The following GAN variants were observed in gnomAD, a reference collection of about 807,000 sequenced individuals.
The protein encoded by GAN is epididymis secretory sperm binding protein.
In GAN, 48 loss-of-function variants were observed where a neutral mutation model predicts 71.3. That is an observed-to-expected ratio of 0.67 (90% confidence interval 0.53 to 0.86). The LOEUF is 0.86. Among genes scored for constraint, GAN ranks in the 40% least tolerant of loss-of-function variants. GAN has a pLI of 0.00. For synonymous variants in GAN, 386 were observed against 276.8 expected, an observed-to-expected ratio of 1.39 and a Z score of -3.92; for missense variants, 928 against 770.1, an observed-to-expected ratio of 1.21 and a Z score of -2.43.
At chr16:81,352,388 C>G (rs1809188342) in intron 2 of GAN, among the ~76,000 whole-genome samples, 2 of 152,180 alleles carry the variant, frequency 1.3e-5, no homozygotes, top group African/African-American at 4.8e-5. Flanking sequence ...TGATTTCAAG[C>G]AAAGCATGAG....
rs1904361061 is a variant in GAN, at chr16:81,385,058, T to TAC, written c.*7462_*7463insAC. The TAC allele has an allele frequency of 6.5e-6, 1 of 154,274 alleles. No homozygotes were observed. Among genetic ancestry groups the TAC allele is most frequent in the Non-Finnish European group, 1.5e-5 (1 of 68,206 alleles). 9.6% of individuals were successfully genotyped at this position (154,274 alleles called of 1,614,324 possible). On this transcript the variant is annotated 3_prime_UTR_variant, in exon 11 of 11. Transcript: ENST00000648994. ...GGTATAACTTAAGCACCAGGTAAAATCTGGTGCTTAAGTTGTACCAAGTAT... is the reference window on the plus strand; with the variant it reads ...GGTATAACTTAAGCACCAGGTAAAATACCTGGTGCTTAAGTTGTACCAAGTAT...
In GAN at chr16:81,379,327, G is replaced by C. The variant is rs773672145; in HGVS notation, c.*1731G>C. 3.3e-5 allele frequency: 5 copies of C among 152,210 alleles called. No individual in the cohort carries two copies. The highest frequency in any genetic ancestry group is 7.3e-5 in the Non-Finnish European group (5 of 68,038). The allele number at this position is 152,210 out of a possible 1,614,324, so 9.4% of individuals were successfully genotyped here. A position where few individuals can be genotyped will look rare whatever the true frequency, so the allele number is the denominator to read the frequency against. ...GATGCTGTGCCTATGGGGTTCTAGA[G>C]AGTGTTGAGTGTGGTACATTAACTC... On this transcript the variant is annotated 3_prime_UTR_variant, in exon 11 of 11. Coordinates refer to ENST00000648994, the MANE Select transcript of GAN (RefSeq NM_022041.4).
At position 81,377,343 on chromosome 16, in the gene GAN, G is replaced by A; in HGVS notation, c.1612+15G>A. On this transcript the variant is annotated intron_variant, in intron 10 of 10. Coordinates refer to ENST00000648994, the MANE Select transcript of GAN (RefSeq NM_022041.4). ...TCTTGATACAGGTAAGAGTGTTACAGTGATTTTCTTGGAACTGTTTCCTGG... is the reference window on the plus strand; with the variant it reads ...TCTTGATACAGGTAAGAGTGTTACAATGATTTTCTTGGAACTGTTTCCTGG... The A allele has an allele frequency of 6.3e-7, 1 of 1,585,564 alleles. No homozygotes were observed. The highest frequency in any genetic ancestry group is 1.1e-5 in the South Asian group (1 of 90,548).
intron 2 of GAN, 96 bp downstream of exon 2, chr16:81,351,793 GTCATCT>G (rs1162068090): frequency 2.6e-6 from 2 of 762,612 alleles, no homozygotes; most frequent in African/African-American, 3.4e-5. Context: ...AAGTAGCACT[GTCATCT>G]TCATCTTCTG....
rs1904534676 is a variant in GAN, at chr16:81,390,673, GTA to G, written c.*13079_*13080del. The stretch of plus-strand genomic sequence containing the variant: ...TGTTGTATTTTGATCTGAAATTTGT[GTA>G]TGCTAAAGTAATTTTGTTTTATGTA... On this transcript the variant is annotated 3_prime_UTR_variant, in exon 11 of 11. Coordinates refer to ENST00000648994, the MANE Select transcript of GAN (RefSeq NM_022041.4). The G allele has an allele frequency of 6.6e-6, 1 of 152,166 alleles. No individual in the cohort carries two copies. The highest frequency in any genetic ancestry group is 2.4e-5 in the African/African-American group (1 of 41,428). 9.4% of individuals were successfully genotyped at this position (152,166 alleles called of 1,614,324 possible). A position where few individuals can be genotyped will look rare whatever the true frequency, so the allele number is the denominator to read the frequency against.
rs368906326 is a variant in GAN, at chr16:81,362,628, T to A, written c.1086+17T>A. 3.3e-6 allele frequency: 4 copies of A among 1,224,706 alleles called. No homozygotes were observed. The highest frequency in any genetic ancestry group is 4.9e-6 in the Non-Finnish European group (4 of 824,092). The allele number at this position is 1,224,706 out of a possible 1,614,324, so 75.9% of individuals were successfully genotyped here. On this transcript the variant is annotated intron_variant, in intron 6 of 10. Coordinates refer to ENST00000648994, the MANE Select transcript of GAN (RefSeq NM_022041.4). ...ATGAACGAGGTAAAACACTAGTTGG[T>A]TGGTTTGTTTGATGTGTTTCTCTTT...
In GAN at chr16:81,382,963, TTTTTA is replaced by T. The variant is rs1239784495; in HGVS notation, c.*5382_*5386del. On this transcript the variant is annotated 3_prime_UTR_variant, in exon 11 of 11. Transcript: ENST00000648994. ...TATACAGTTTAGGAAAGTTTATTCT[TTTTTA>T]TTTTATTTTATTTTTTTAAATTTCT... The T allele has an allele frequency of 6.6e-6, 1 of 152,102 alleles. No individual in the cohort carries two copies. The highest frequency in any genetic ancestry group is 1.5e-5 in the Non-Finnish European group (1 of 68,026). The allele number at this position is 152,102 out of a possible 1,614,324, so 9.4% of individuals were successfully genotyped here. A position where few individuals can be genotyped will look rare whatever the true frequency, so the allele number is the denominator to read the frequency against.
chr16:81,340,655 T>C (rs565458671), intron 1 of GAN, among the ~76,000 whole-genome samples: 108 of 152,014 alleles, frequency 7.1e-4, no homozygotes, highest in African/African-American at 2.5e-3. Context: ...AAGACCCAAG[T>C]AGATAAAACC....
At chr16:81,365,557 G>T in intron 9 of GAN, 79 bp downstream of exon 9, 1 of 1,382,800 alleles carries the variant, frequency 7.2e-7, no homozygotes, top group Non-Finnish European at 1.0e-6. Flanking sequence ...GTTTAGTTTT[G>T]TTTTCAGTCA....
At chr16:81,370,603 T>G (rs1330885690) in intron 9 of GAN, among the ~76,000 whole-genome samples, 2 of 152,338 alleles carry the variant, frequency 1.3e-5, no homozygotes, top group Middle Eastern at 3.4e-3. Flanking sequence ...GAAGTGTGTG[T>G]GCTGAGGCCG....
chr16:81,364,259 ACT>A (rs535363407), intron 7 of GAN, among the ~76,000 whole-genome samples: 12 of 150,512 alleles, frequency 8.0e-5, no homozygotes, highest in Non-Finnish European at 1.0e-4. Flanking sequence ...TCCCTCTCTT[ACT>A]CTCTCTCTCT....
Position 81,358,082 on chromosome 16 carries a change from T to C in GAN, c.973+151T>C. On this transcript the variant is annotated intron_variant, in intron 5 of 10. Transcript: ENST00000648994. Reference sequence around the variant, plus strand: ...TAGTTCTAGCTTCTGAGACCGTGGTTAGGAAAACCGTATTTTCTGTCAGTC... The same window carrying C: ...TAGTTCTAGCTTCTGAGACCGTGGTCAGGAAAACCGTATTTTCTGTCAGTC... 3 of 726,630 alleles carry C rather than the reference T, an allele frequency of 4.1e-6. No homozygotes were observed. The Admixed American group carries it at 6.3e-5, about 15-fold the overall frequency. The allele number at this position is 726,630 out of a possible 1,614,324, so 45.0% of individuals were successfully genotyped here.
intron 1 of GAN, among the ~76,000 whole-genome samples, chr16:81,337,933 A>G (rs186268048): frequency 6.6e-6 from 1 of 152,308 alleles, no homozygotes; most frequent in East Asian, 1.9e-4. Flanking sequence ...TTAAGCCTCT[A>G]GGACTCACTA....
chr16:81,353,647 T>G (rs1034688062), intron 2 of GAN, among the ~76,000 whole-genome samples: 4 of 152,212 alleles, frequency 2.6e-5, no homozygotes, highest in Admixed American at 2.6e-4. Context: ...GTGCCCATGC[T>G]TTGGGGTCGT....
chr16:81,320,113 C>A (rs116227297), intron 1 of GAN, among the ~76,000 whole-genome samples: 189 of 152,170 alleles, frequency 1.2e-3, no homozygotes, highest in African/African-American at 4.3e-3. Context: ...TGGGTATGTT[C>A]CAAGGCCTAA....
chr16:81,342,826 A>G (rs1045200333), intron 1 of GAN, among the ~76,000 whole-genome samples: 13 of 152,230 alleles, frequency 8.5e-5, no homozygotes, highest in African/African-American at 3.1e-4. Context: ...TCAAAAAATC[A>G]ATGAATCCAG....
rs967955691 is a variant in GAN at position 81,365,166 on chromosome 16, G to A, written c.1373+56G>A. 79 of 1,589,712 alleles carry A rather than the reference G, an allele frequency of 5.0e-5. 2 individuals are homozygous for A. In the South Asian group the frequency reaches 7.5e-4, roughly 15 times the overall value. On this transcript the variant is annotated intron_variant, in intron 8 of 10. Coordinates refer to ENST00000648994, the MANE Select transcript of GAN (RefSeq NM_022041.4). ...TCCCTTGCTGTTCACTGGGTCTGGA[G>A]CCCCTTACCCTGCCTGGCTTTTGTT...
rs1904292094 is a variant in GAN at position 81,378,972 on chromosome 16, T to G, written c.*1376T>G. On this transcript the variant is annotated 3_prime_UTR_variant, in exon 11 of 11. Transcript: ENST00000648994. ...CTTGATTCCTTCCTAAATTGAATTT[T>G]ATGCAATGTCAAATTTCTAATCAAT... 6.6e-6 allele frequency: 1 copy of G among 152,266 alleles called. No individual in the cohort carries two copies. The highest frequency in any genetic ancestry group is 2.4e-5 in the African/African-American group (1 of 41,464). 9.4% of individuals were successfully genotyped at this position (152,266 alleles called of 1,614,324 possible).
chr16:81,351,328 G>C (rs1910292699), intron 1 of GAN, among the ~76,000 whole-genome samples: 1 of 152,148 alleles, frequency 6.6e-6, no homozygotes, highest in African/African-American at 2.4e-5. Context: ...ACAGATTCAT[G>C]GTCATGTGGA....
Sources: gnomAD v4.1 joint callset for allele counts (sites outside exome capture counted in the v4.1 genomes callset) on GRCh38, gnomAD v4.1.1 for gene constraint, MANE v1.5 for transcripts, NCBI Gene and HGNC (gene_info 2026-07-23, HGNC 2026-07-21) for gene names.